Variants in RPS6KB1 observed in about 807,000 individuals in gnomAD.
RPS6KB1 encodes the protein ribosomal protein S6 kinase beta-1.
A neutral mutation model predicts 70.2 loss-of-function variants in RPS6KB1; 12 were observed. The observed-to-expected ratio is 0.17, with a 90% CI of 0.11 to 0.28. The LOEUF (loss-of-function observed/expected upper bound fraction) is 0.28, where lower values mean the gene tolerates loss of function less well. RPS6KB1 is among the 10% of genes least tolerant of loss of function. RPS6KB1 has a pLI of 1.00. For missense variants in RPS6KB1, 270 were observed against 646.6 expected, an observed-to-expected ratio of 0.42 and a Z score of 6.32; for synonymous variants, 175 against 211.2, an observed-to-expected ratio of 0.83 and a Z score of 1.49.
chr17:59,905,045 A>G (rs1271807044), intron 1 of RPS6KB1, among the ~76,000 whole-genome samples: 1 of 151,994 alleles, frequency 6.6e-6, no homozygotes, highest in Non-Finnish European at 1.5e-5. Context: ...TTTTTGAGAC[A>G]GGGTCTCAGT....
chr17:59,924,534 A>G (rs1243854770), intron 4 of RPS6KB1, among the ~76,000 whole-genome samples: 1 of 151,990 alleles, frequency 6.6e-6, no homozygotes, highest in African/African-American at 2.4e-5. Context: ...TTATAATTAC[A>G]GTAATATTTG....
intron 1 of RPS6KB1, among the ~76,000 whole-genome samples, chr17:59,894,986 C>A (rs551114385): frequency 1.1e-5 from 1 of 90,216 alleles, no homozygotes; most frequent in East Asian, 5.2e-4. Context: ...TGTGCTTTTT[C>A]TTTTCTTTTC....
At position 59,914,663 on chromosome 17, in the gene RPS6KB1, C is replaced by G. The variant is rs768495617; in HGVS notation, c.341C>G (p.Ala114Gly). 12 of 1,612,484 alleles carry G rather than the reference C, an allele frequency of 7.4e-6. No homozygotes were observed. Among genetic ancestry groups the G allele is most frequent in the Non-Finnish European group, 9.3e-6 (11 of 1,179,630 alleles). The change falls in exon 4 of 15, where the codon GCA (alanine) becomes GGA (glycine). Residue 114 changes from alanine (A) to glycine (G), a missense_variant. Around this residue, in one of 4 missense-constraint regions of RPS6KB1, gnomAD observed 44 missense variants for 102.5 expected, o/e 0.43. Transcript: ENST00000225577. ...KVFQVRKVTG[A>G]NTGKIFAMKV... is the part of the protein sequence containing the mutation. ...TTTCAAGTACGAAAAGTAACAGGAGCAAATACTGGGAAAATATTTGCCATG... is the reference window on the plus strand; with the variant it reads ...TTTCAAGTACGAAAAGTAACAGGAGGAAATACTGGGAAAATATTTGCCATG...
At chr17:59,899,032 C>T (rs941605433) in intron 1 of RPS6KB1, among the ~76,000 whole-genome samples, 5 of 151,540 alleles carry the variant, frequency 3.3e-5, no homozygotes, top group Non-Finnish European at 5.9e-5. Flanking sequence ...GTGAAAACCC[C>T]GTCTCTATTA....
intron 4 of RPS6KB1, among the ~76,000 whole-genome samples, chr17:59,916,304 T>G (rs530631603): frequency 7.3e-5 from 11 of 151,590 alleles, no homozygotes; most frequent in African/African-American, 2.7e-4. Flanking sequence ...TTTCGCCATA[T>G]TGGCATGCTG....
intron 4 of RPS6KB1, among the ~76,000 whole-genome samples, chr17:59,918,663 C>A (rs180941751): frequency 6.6e-6 from 1 of 152,188 alleles, no homozygotes; most frequent in African/African-American, 2.4e-5. Flanking sequence ...AGCCACCACG[C>A]CCAGCCTCTC....
chr17:59,915,789 TTTTTTTTTTTA>T (rs1263857274), intron 4 of RPS6KB1, among the ~76,000 whole-genome samples: 2 of 103,030 alleles, frequency 1.9e-5, no homozygotes, highest in Middle Eastern at 5.6e-3. Flanking sequence ...TTTTTTTTTT[TTTTTTTTTTTA>T]TTGTGACAGA....
At chr17:59,912,224 C>A in intron 2 of RPS6KB1, 1 of 215,944 alleles carries the variant, frequency 4.6e-6, no homozygotes, top group South Asian at 7.0e-5. Context: ...GTATTGGAGT[C>A]ACCCATGAAA....
At chr17:59,923,783 C>G (rs1398428871) in intron 4 of RPS6KB1, among the ~76,000 whole-genome samples, 1 of 151,904 alleles carries the variant, frequency 6.6e-6, no homozygotes, top group Non-Finnish European at 1.5e-5. Flanking sequence ...GCTGGAATTA[C>G]AGGTGTTAGC....
rs918820545 is a variant in RPS6KB1, at chr17:59,948,355, C to T, written c.*1567C>T. 4 of 152,516 alleles carry T rather than the reference C, an allele frequency of 2.6e-5. No individual in the cohort carries two copies. The highest frequency in any genetic ancestry group is 9.7e-5 in the African/African-American group (4 of 41,404). The allele number at this position is 152,516 out of a possible 1,614,324, so 9.4% of individuals were successfully genotyped here. A position where few individuals can be genotyped will look rare whatever the true frequency, so the allele number is the denominator to read the frequency against. On this transcript the variant is annotated 3_prime_UTR_variant, in exon 15 of 15. Transcript: ENST00000225577. ...GTTTGTCTTTTATAATGTCTTCAGT[C>T]TGAGTGTGCAAAGTCAATTTGTAAT...
At position 59,899,681 on chromosome 17, in the gene RPS6KB1, A is replaced by G. The variant is rs537853700; in HGVS notation, c.141+6356A>G. ...ACCCCCATATCCCACACATAAAAGA[A>G]ACTGTATCCAGTTAAAATGGTGAGA... On this transcript the variant is annotated intron_variant, in intron 1 of 14. Coordinates refer to ENST00000225577, the MANE Select transcript of RPS6KB1 (RefSeq NM_003161.4). Among the ~76,000 whole-genome samples, 11 of 152,286 alleles carry G rather than the reference A, an allele frequency of 7.2e-5. No homozygotes were observed. In the East Asian group the frequency reaches 2.1e-3, roughly 29 times the overall value.
Position 59,946,279 on chromosome 17 carries a change from A to G in RPS6KB1, c.1341-272A>G, listed in dbSNP as rs1163610110. 6.6e-6 allele frequency among the ~76,000 whole-genome samples: 1 copy of G among 152,186 alleles called. No individual in the cohort carries two copies. The highest frequency in any genetic ancestry group is 6.5e-5 in the Admixed American group (1 of 15,274). On this transcript the variant is annotated intron_variant, in intron 14 of 14. Coordinates refer to ENST00000225577, the MANE Select transcript of RPS6KB1 (RefSeq NM_003161.4). The surrounding 1 kb of genome is among the most constrained non-coding windows in gnomAD (Gnocchi z 4.2). Reference sequence around the variant, plus strand: ...GCTGTTTTGAGCAGGGGAGAGTAAAATGATATATATAATACGCATTTAAAT... The same window carrying G: ...GCTGTTTTGAGCAGGGGAGAGTAAAGTGATATATATAATACGCATTTAAAT...
At chr17:59,917,127 G>C (rs554057124) in intron 4 of RPS6KB1, among the ~76,000 whole-genome samples, 3 of 152,166 alleles carry the variant, frequency 2.0e-5, no homozygotes, top group Admixed American at 2.0e-4. Flanking sequence ...TTTTTATTTA[G>C]TTAGTTTTTG....
intron 1 of RPS6KB1, among the ~76,000 whole-genome samples, chr17:59,907,797 A>C (rs1316339640): frequency 2.0e-5 from 3 of 152,118 alleles, no homozygotes; most frequent in African/African-American, 7.2e-5. Flanking sequence ...GGACTCCCGA[A>C]GTTATTTATG....
rs767514401 is a variant in RPS6KB1, at chr17:59,935,240, C to T, written c.918C>T (p.Leu306=). The part of the protein sequence containing the change: ...ENRKKTIDKI[L]KCKLNLPPYL... The stretch of plus-strand genomic sequence containing the variant: ...GAAAGAAAACAATTGACAAAATCCT[C>T]AAATGTAAACTCAATTTGCCTCCCT... Residue 306 remains leucine (L), a synonymous_variant, in exon 10 of 15, where the codon CTC becomes CTT. Transcript: ENST00000225577. 3.7e-6 allele frequency: 6 copies of T among 1,613,060 alleles called. No homozygotes were observed. The South Asian group carries it at 6.6e-5, about 18-fold the overall frequency.
At chr17:59,906,840 C>G (rs1212423175) in intron 1 of RPS6KB1, 1 of 151,250 alleles carries the variant, frequency 6.6e-6, no homozygotes, top group Non-Finnish European at 1.5e-5. Context: ...ATTACAGGCG[C>G]CCTCCACCAC....
Position 59,934,464 on chromosome 17 carries a change from C to G in RPS6KB1, c.810C>G (p.His270Gln). 1 of 1,613,856 alleles carries G rather than the reference C, an allele frequency of 6.2e-7. No individual in the cohort carries two copies. The change falls in exon 9 of 15, where the codon CAC becomes CAG. Residue 270 changes from histidine (H) to glutamine (Q), a missense_variant. By Grantham distance (24) the His-to-Gln change is conservative. Around this residue, in one of 4 missense-constraint regions of RPS6KB1, gnomAD observed 133 missense variants for 314.7 expected, o/e 0.42. Coordinates refer to ENST00000225577, the MANE Select transcript of RPS6KB1 (RefSeq NM_003161.4). The surrounding 1 kb of genome is among the most constrained non-coding windows in gnomAD (Gnocchi z 4.8). Reference sequence around the variant, plus strand: ...CTGAAATCTTGATGAGAAGTGGCCACAATCGTGCTGTGGATTGGTGGAGTT... The same window carrying G: ...CTGAAATCTTGATGAGAAGTGGCCAGAATCGTGCTGTGGATTGGTGGAGTT... ...MAPEILMRSGHNRAVDWWSLG... is the reference protein window; with the variant it reads ...MAPEILMRSGQNRAVDWWSLG...
chr17:59,941,973 C>T (rs1183953069), intron 13 of RPS6KB1, among the ~76,000 whole-genome samples: 1 of 152,138 alleles, frequency 6.6e-6, no homozygotes, highest in Non-Finnish European at 1.5e-5. Flanking sequence ...ATCCTCCTGC[C>T]TCAGCCTCCT....
chr17:59,909,203 C>T (rs1320337736), intron 1 of RPS6KB1, among the ~76,000 whole-genome samples: 5 of 142,436 alleles, frequency 3.5e-5, no homozygotes, highest in African/African-American at 1.3e-4. Flanking sequence ...GCTGGGACCA[C>T]AGGCATGAGC....
Sources: gnomAD v4.1 joint callset for allele counts (sites outside exome capture counted in the v4.1 genomes callset) on GRCh38, gnomAD v4.1.1 for gene constraint, gnomAD v4.1.1 regional missense constraint, Gnocchi (gnomAD v3.1) non-coding constraint, MANE v1.5 for transcripts, NCBI Gene and HGNC (gene_info 2026-07-23, HGNC 2026-07-21) for gene names.